Variants in DGKB observed in about 807,000 individuals in gnomAD.
The protein encoded by DGKB is diacylglycerol kinase beta.
A neutral mutation model predicts 114.3 loss-of-function variants in DGKB; 67 were observed. The ratio of observed to expected loss-of-function variants is 0.59; its 90% CI spans 0.48 to 0.72. The LOEUF is 0.72. DGKB is among the 30% of genes least tolerant of loss of function. The probability of loss-of-function intolerance (pLI) is 0.00; values close to 1 mark genes in which losing one functional copy is unlikely to be tolerated. For synonymous variants in DGKB, 398 were observed against 323.1 expected (o/e 1.23, Z -2.49); for missense variants, 907 against 975.2 (o/e 0.93, Z 0.93).
intron 20 of DGKB, among the ~76,000 whole-genome samples, chr7:14,557,092 A>G (rs1489389747): frequency 6.6e-6 from 1 of 152,130 alleles, no homozygotes; most frequent in Non-Finnish European, 1.5e-5. Flanking sequence ...CCCCAATCTC[A>G]GACCTACCAA....
At chr7:14,518,263 G>C (rs1404914138) in intron 20 of DGKB, among the ~76,000 whole-genome samples, 1 of 151,978 alleles carries the variant, frequency 6.6e-6, no homozygotes, top group Non-Finnish European at 1.5e-5. Flanking sequence ...TAAACATCAA[G>C]TACGTATGAA....
At chr7:14,416,176 T>A (rs937704987) in intron 21 of DGKB, among the ~76,000 whole-genome samples, 1 of 152,164 alleles carries the variant, frequency 6.6e-6, no homozygotes, top group Non-Finnish European at 1.5e-5. Context: ...TATTAGCCCT[T>A]TGTCAGATGA....
chr7:14,568,325 A>G (rs116568988), intron 20 of DGKB, among the ~76,000 whole-genome samples: 3,813 of 152,266 alleles, frequency 0.025, 167 homozygotes, highest in African/African-American at 0.085. Context: ...GAAAAGCATT[A>G]AAAAGAAGGA....
chr7:14,792,577 C>A (rs1005637983), intron 2 of DGKB, among the ~76,000 whole-genome samples: 6 of 151,916 alleles, frequency 3.9e-5, no homozygotes, highest in Non-Finnish European at 8.8e-5. Flanking sequence ...TATCTTCATA[C>A]CTACAGTAAA....
intron 23 of DGKB, among the ~76,000 whole-genome samples, chr7:14,238,580 A>C (rs1176733764): frequency 1.3e-5 from 1 of 78,676 alleles, no homozygotes; most frequent in East Asian, 2.7e-4. Context: ...TTTCTGATTT[A>C]ATAAAAATAA....
At chr7:14,418,001 G>T (rs979457529) in intron 21 of DGKB, among the ~76,000 whole-genome samples, 4 of 150,976 alleles carry the variant, frequency 2.6e-5, no homozygotes, top group Non-Finnish European at 5.9e-5. Context: ...CTGATGCCTG[G>T]TCATCATTTG....
intron 2 of DGKB, among the ~76,000 whole-genome samples, chr7:14,837,866 C>T (rs1383034886): frequency 6.6e-6 from 1 of 152,120 alleles, no homozygotes; most frequent in Admixed American, 6.5e-5. Flanking sequence ...CCTAATTATT[C>T]AGGAAAGTCC....
chr7:14,641,993 T>C (rs567123567), intron 13 of DGKB, among the ~76,000 whole-genome samples: 7 of 152,202 alleles, frequency 4.6e-5, no homozygotes, highest in Non-Finnish European at 4.4e-5. Context: ...ATTTAGTTTT[T>C]TGTTTGTTTG....
chr7:14,510,911 A>G (rs1050981924), intron 20 of DGKB, among the ~76,000 whole-genome samples: 2 of 152,210 alleles, frequency 1.3e-5, no homozygotes, highest in Non-Finnish European at 2.9e-5. Flanking sequence ...AATATTTTGA[A>G]AGGAATCTTA....
intron 1 of DGKB, among the ~76,000 whole-genome samples, chr7:14,853,867 C>CAAAA (rs56269565): frequency 8.7e-5 from 9 of 104,000 alleles, no homozygotes; most frequent in African/African-American, 2.5e-4. Flanking sequence ...GACTCCGTCT[C>CAAAA]AAAAAAAAAA....
chr7:14,329,819 A>C (rs1307428500), intron 23 of DGKB, among the ~76,000 whole-genome samples: 1 of 151,968 alleles, frequency 6.6e-6, no homozygotes, highest in African/African-American at 2.4e-5. Flanking sequence ...TGTGTTATTT[A>C]ATCACTTGAG....
At chr7:14,880,925 G>C (rs966887285) in intron 1 of DGKB, among the ~76,000 whole-genome samples, 3 of 151,888 alleles carry the variant, frequency 2.0e-5, no homozygotes, top group Admixed American at 2.0e-4. Context: ...AGTAAACAAG[G>C]CTTCAATAAA....
intron 21 of DGKB, among the ~76,000 whole-genome samples, chr7:14,394,740 C>T (rs1475613313): frequency 1.3e-5 from 2 of 151,838 alleles, no homozygotes; most frequent in African/African-American, 4.8e-5. Flanking sequence ...GGCTCCCATA[C>T]CCCTCATTGA....
At chr7:14,832,730 T>C (rs941770514) in intron 2 of DGKB, among the ~76,000 whole-genome samples, 4 of 152,078 alleles carry the variant, frequency 2.6e-5, no homozygotes. Context: ...CCAACTGTCT[T>C]ATAAATAAAT....
intron 14 of DGKB, among the ~76,000 whole-genome samples, chr7:14,623,649 G>A (rs1285838163): frequency 6.6e-6 from 1 of 152,122 alleles, no homozygotes; most frequent in Non-Finnish European, 1.5e-5. Context: ...TATATTTTGT[G>A]TGTGGCTGAA....
At chr7:14,162,667 A>C (rs1035850466) in intron 25 of DGKB, among the ~76,000 whole-genome samples, 1 of 152,226 alleles carries the variant, frequency 6.6e-6, no homozygotes, top group East Asian at 1.9e-4. Context: ...ATAAAGAATA[A>C]AAGAAAAACT....
chr7:14,860,857 T>G (rs7797226), intron 1 of DGKB, among the ~76,000 whole-genome samples: 56,481 of 151,688 alleles, frequency 0.37, 11,275 homozygotes, highest in East Asian at 0.64. Context: ...CCTAGAAAAT[T>G]TATAGATTTT....
At chr7:14,682,944 T>A (rs148275976) in intron 10 of DGKB, 103 bp from the exon 11 acceptor site, 561 of 761,706 alleles carry the variant, frequency 7.4e-4, no homozygotes, top group African/African-American at 6.4e-3. Flanking sequence ...TATCCACTGC[T>A]CCCTAATCAA....
intron 21 of DGKB, among the ~76,000 whole-genome samples, chr7:14,375,720 G>T (rs142706574): frequency 6.6e-6 from 1 of 152,042 alleles, no homozygotes; most frequent in Non-Finnish European, 1.5e-5. Context: ...TGCTTTCTTC[G>T]ATAGCACTTC....
Sources: allele counts gnomAD v4.1 joint callset (sites outside exome capture counted in the v4.1 genomes callset), GRCh38; gene constraint gnomAD v4.1.1; transcripts MANE v1.5; gene names NCBI Gene and HGNC (gene_info 2026-07-23, HGNC 2026-07-21).